Variants in DPYD observed in about 807,000 individuals in gnomAD.
DPYD encodes the protein dihydropyrimidine dehydrogenase [NADP(+)].
Under a neutral mutation model 116.2 loss-of-function variants are expected in DPYD, and 109 were observed. The observed-to-expected ratio is 0.94, with a 90% CI of 0.80 to 1.10. The LOEUF is 1.10. Among genes scored for constraint, DPYD ranks in the 50% least tolerant of loss-of-function variants. The probability of loss-of-function intolerance (pLI) is 0.00; values close to 1 mark genes in which losing one functional copy is unlikely to be tolerated. For missense variants in DPYD, 1,302 were observed against 1,254.5 expected (o/e 1.04, Z -0.57); for synonymous variants, 440 against 432.0 (o/e 1.02, Z -0.23).
At chr1:97,742,878 C>A (rs1423802450) in intron 3 of DPYD, among the ~76,000 whole-genome samples, 1 of 152,030 alleles carries the variant, frequency 6.6e-6, no homozygotes, top group Non-Finnish European at 1.5e-5. Flanking sequence ...CAAAAGTAAG[C>A]GCACACACAC....
intron 19 of DPYD, among the ~76,000 whole-genome samples, chr1:97,233,150 C>T (rs770017468): frequency 1.2e-4 from 19 of 152,232 alleles, no homozygotes; most frequent in Non-Finnish European, 2.5e-4. Context: ...GGCATGGCTC[C>T]TGGTTACTGC....
chr1:97,610,136 T>C (rs541295283), intron 8 of DPYD, among the ~76,000 whole-genome samples: 1 of 152,142 alleles, frequency 6.6e-6, no homozygotes, highest in South Asian at 2.1e-4. Flanking sequence ...CTCAAAAAAG[T>C]ATAAATCTTC....
chr1:97,110,278 G>C (rs993400694), intron 20 of DPYD, among the ~76,000 whole-genome samples: 1 of 152,028 alleles, frequency 6.6e-6, no homozygotes, highest in Non-Finnish European at 1.5e-5. Context: ...AAACAGATAT[G>C]ATCTCCTTCC....
At chr1:97,615,103 T>A (rs1015728463) in intron 8 of DPYD, among the ~76,000 whole-genome samples, 1 of 152,124 alleles carries the variant, frequency 6.6e-6, no homozygotes, top group Non-Finnish European at 1.5e-5. Flanking sequence ...ATAACACTGC[T>A]AAGGTCTCTA....
intron 8 of DPYD, among the ~76,000 whole-genome samples, chr1:97,609,584 A>AG (rs1381129726): frequency 1.3e-5 from 2 of 152,056 alleles, no homozygotes; most frequent in Non-Finnish European, 2.9e-5. Flanking sequence ...TGACAAACTG[A>AG]GGTTCAAGGC....
At chr1:97,164,815 AG>A (rs1398367347) in intron 20 of DPYD, among the ~76,000 whole-genome samples, 1 of 152,148 alleles carries the variant, frequency 6.6e-6, no homozygotes, top group African/African-American at 2.4e-5. Context: ...GCTCGTGGAC[AG>A]GAGGAATCAA....
At chr1:97,457,934 T>C (rs1330011057) in intron 13 of DPYD, among the ~76,000 whole-genome samples, 2 of 152,146 alleles carry the variant, frequency 1.3e-5, no homozygotes, top group East Asian at 3.9e-4. Context: ...AGTGCTGATA[T>C]CAGATGGATT....
At chr1:97,196,219 C>G (rs1163444865) in intron 19 of DPYD, among the ~76,000 whole-genome samples, 2 of 152,116 alleles carry the variant, frequency 1.3e-5, no homozygotes, top group Non-Finnish European at 2.9e-5. Flanking sequence ...CTCACCTCAG[C>G]TTCCCAAGTA....
intron 9 of DPYD, among the ~76,000 whole-genome samples, chr1:97,594,375 T>G (rs1031692588): frequency 2.0e-5 from 3 of 152,168 alleles, no homozygotes; most frequent in Admixed American, 1.3e-4. Flanking sequence ...TGTAAACTTC[T>G]GAAGAATAAT....
chr1:97,419,426 A>G (rs1186985893), intron 14 of DPYD, among the ~76,000 whole-genome samples: 2 of 152,126 alleles, frequency 1.3e-5, no homozygotes, highest in Non-Finnish European at 2.9e-5. Context: ...CTGGTACGTA[A>G]TCACTATTAT....
intron 7 of DPYD, among the ~76,000 whole-genome samples, chr1:97,688,640 A>C (rs770265460): frequency 3.9e-5 from 6 of 152,104 alleles, no homozygotes; most frequent in Non-Finnish European, 7.4e-5. Context: ...CTCTATTATC[A>C]AAAATTCACA....
intron 18 of DPYD, chr1:97,296,114 C>T (rs774575855): frequency 6.6e-6 from 1 of 152,084 alleles, no homozygotes; most frequent in Non-Finnish European, 1.5e-5. Context: ...ATTACAATAA[C>T]ATATACATAG....
chr1:97,784,459 G>T (rs138584166), intron 3 of DPYD, among the ~76,000 whole-genome samples: 1 of 152,092 alleles, frequency 6.6e-6, no homozygotes, highest in Admixed American at 6.5e-5. Flanking sequence ...GTCTCTAAGT[G>T]TTTTAAACAA....
chr1:97,318,429 T>G (rs12125423), intron 16 of DPYD, among the ~76,000 whole-genome samples: 47,656 of 147,864 alleles, frequency 0.32, 7,941 homozygotes, highest in Middle Eastern at 0.38. Flanking sequence ...GGGGTTGCAA[T>G]CCTAGTCTCT....
chr1:97,513,168 CAA>C (rs1333509586), intron 13 of DPYD, among the ~76,000 whole-genome samples: 1 of 150,850 alleles, frequency 6.6e-6, no homozygotes, highest in African/African-American at 2.4e-5. Flanking sequence ...CTACAAATGT[CAA>C]GAGTATAAAA....
intron 1 of DPYD, among the ~76,000 whole-genome samples, chr1:97,907,313 A>G (rs1402952705): frequency 6.6e-6 from 1 of 152,128 alleles, no homozygotes; most frequent in Non-Finnish European, 1.5e-5. Flanking sequence ...TCCATATTTG[A>G]TAACAAACAT....
intron 16 of DPYD, among the ~76,000 whole-genome samples, chr1:97,335,997 C>T (rs1669266313): frequency 6.6e-6 from 1 of 152,088 alleles, no homozygotes; most frequent in Admixed American, 6.6e-5. Context: ...TCAAGTCTCT[C>T]TTTGAGGTGA....
At chr1:97,516,627 A>C (rs1369545717) in intron 12 of DPYD, among the ~76,000 whole-genome samples, 1 of 152,038 alleles carries the variant, frequency 6.6e-6, no homozygotes, top group African/African-American at 2.4e-5. Context: ...CTGTAAATTT[A>C]CCTTTGTTAA....
At chr1:97,337,533 T>G (rs1156486388) in intron 16 of DPYD, among the ~76,000 whole-genome samples, 1 of 152,114 alleles carries the variant, frequency 6.6e-6, no homozygotes, top group Non-Finnish European at 1.5e-5. Flanking sequence ...AAGACAGCCC[T>G]CTGATTTCCA....
Sources: gnomAD v4.1 joint callset for allele counts (sites outside exome capture counted in the v4.1 genomes callset) on GRCh38, gnomAD v4.1.1 for gene constraint, MANE v1.5 for transcripts, NCBI Gene and HGNC (gene_info 2026-07-23, HGNC 2026-07-21) for gene names.